Variants in UACA observed in about 807,000 individuals in gnomAD.
UACA encodes the protein nuclear membrane binding protein.
A neutral mutation model predicts 160.5 loss-of-function variants in UACA; 112 were observed. That is an observed-to-expected ratio of 0.70 (90% CI 0.60 to 0.82). The LOEUF (loss-of-function observed/expected upper bound fraction) is 0.82. UACA is among the 40% of genes least tolerant of loss of function. The probability of loss-of-function intolerance (pLI) is 0.00; values close to 1 mark genes in which losing one functional copy is unlikely to be tolerated. For synonymous variants in UACA, 557 were observed against 568.4 expected (o/e 0.98, Z 0.29); for missense variants, 1,574 against 1,614.6 (o/e 0.97, Z 0.43).
At chr15:70,718,954 CATT>C in intron 1 of UACA, among the ~76,000 whole-genome samples, 1 of 151,682 alleles carries the variant, frequency 6.6e-6, no homozygotes, top group East Asian at 1.9e-4. Flanking sequence ...CTTTAGTTGT[CATT>C]AAGTAGATTT....
intron 2 of UACA, among the ~76,000 whole-genome samples, chr15:70,697,551 A>T (rs1486816297): frequency 6.6e-6 from 1 of 152,274 alleles, no homozygotes; most frequent in Non-Finnish European, 1.5e-5. Flanking sequence ...GAGCTCAAGA[A>T]GCACATGTTC....
chr15:70,708,466 T>C (rs1898583515), intron 1 of UACA, among the ~76,000 whole-genome samples: 2 of 134,708 alleles, frequency 1.5e-5, no homozygotes, highest in South Asian at 4.3e-4. Flanking sequence ...AATACTATCT[T>C]TTTTTTTTTT....
Position 70,671,039 on chromosome 15 carries a change from C to T in UACA, c.1221G>A (p.Gln407=). The T allele has an allele frequency of 6.5e-7, 1 of 1,537,250 alleles. No individual in the cohort carries two copies. The highest frequency in any genetic ancestry group is 1.8e-4 in the Middle Eastern group (1 of 5,534). ...KQGQMYMADS[Q]CTSPGIPAHM... ...AATTAAAAAAAAAAACAGTTATTACCTGTGAGTCTGCCATATACATCTGAC... is the reference window on the plus strand; with the variant it reads ...AATTAAAAAAAAAAACAGTTATTACTTGTGAGTCTGCCATATACATCTGAC... Residue 407 remains glutamine (Q), a splice_region_variant and synonymous_variant, in exon 15 of 19, where the codon CAG becomes CAA. Coordinates refer to ENST00000322954, the MANE Select transcript of UACA (RefSeq NM_018003.4).
At chr15:70,766,825 G>A (rs924499221), upstream of UACA, among the ~76,000 whole-genome samples, 1 of 152,210 alleles carries the variant, frequency 6.6e-6, no homozygotes, top group East Asian at 1.9e-4. Flanking sequence ...ATGGGCAGAG[G>A]ATACCCAGGG....
chr15:70,678,948 T>A (rs1356655068), intron 10 of UACA, among the ~76,000 whole-genome samples: 1 of 152,122 alleles, frequency 6.6e-6, no homozygotes, highest in Non-Finnish European at 1.5e-5. Flanking sequence ...AAATGTATGG[T>A]TTACATCACA....
At chr15:70,701,969 A>T in intron 1 of UACA, 2 of 1,604,608 alleles carry the variant, frequency 1.2e-6, no homozygotes, top group Non-Finnish European at 1.7e-6. Flanking sequence ...ATTAAGTTAC[A>T]AATCTCTGTA....
intron 1 of UACA, among the ~76,000 whole-genome samples, chr15:70,708,510 G>C (rs539571500): frequency 2.0e-5 from 3 of 150,842 alleles, no homozygotes; most frequent in South Asian, 2.1e-4. Context: ...ACCCAGGCTG[G>C]ACTGCAATGG....
chr15:70,664,679 G>T lies in UACA; in HGVS notation c.4096C>A (p.Leu1366Met). 1 of 1,611,082 alleles carries T rather than the reference G, an allele frequency of 6.2e-7. No individual in the cohort carries two copies. The highest frequency in any genetic ancestry group is 8.5e-7 in the Non-Finnish European group (1 of 1,178,686). Residue 1366 changes from leucine to methionine, a missense_variant, in exon 17 of 19, where the codon CTG becomes ATG. Leu to Met is a conservative substitution (Grantham distance 15, BLOSUM62 2). Coordinates refer to ENST00000322954, the MANE Select transcript of UACA (RefSeq NM_018003.4). ...TTACTCACGGCCAGCTGTTGCTCCA[G>T]AGATTTCACTTGGTGCTGCAGAGTG... ...IDTLQHQVKS[L>M]EQQLADADRQ...
chr15:70,759,827 A>G (rs963451474), intron 1 of UACA, among the ~76,000 whole-genome samples: 3 of 152,376 alleles, frequency 2.0e-5, no homozygotes, highest in Middle Eastern at 3.4e-3. Context: ...CCCATTTAGT[A>G]AACTCTAAAT....
the UACA span, among the ~76,000 whole-genome samples, chr15:70,773,560 C>T: frequency 2.0e-5 from 3 of 152,112 alleles, no homozygotes; most frequent in Admixed American, 6.5e-5. Context: ...GGGATTTGAT[C>T]CCTCAGTTAG....
chr15:70,677,186 T>C, intron 11 of UACA, 46 bp from the exon 12 acceptor site: 4 of 1,438,928 alleles, frequency 2.8e-6, no homozygotes, highest in Non-Finnish European at 3.9e-6. Flanking sequence ...TAAAAGCCTA[T>C]TTTAAAAGGC....
At position 70,698,035 on chromosome 15, in the gene UACA, G is replaced by A. The variant is rs185980840; in HGVS notation, c.212+1492C>T. ...ATTGCACAACCAGCCTGGGCAACAA[G>A]AGCGAAACTCTGTCTCAAAAAAATA... On this transcript the variant is annotated intron_variant, in intron 2 of 18. Coordinates refer to ENST00000322954, the MANE Select transcript of UACA (RefSeq NM_018003.4). 2.1e-3 allele frequency among the ~76,000 whole-genome samples: 324 copies of A among 152,188 alleles called. 1 individual carries two copies. Among genetic ancestry groups the A allele is most frequent in the African/African-American group, 7.3e-3 (302 of 41,546 alleles).
Position 70,699,624 on chromosome 15 carries a change from TC to T in UACA, c.114del (p.Met39Ter). On this transcript the variant is annotated frameshift_variant, in exon 2 of 19. Coordinates refer to ENST00000322954, the MANE Select transcript of UACA (RefSeq NM_018003.4). LOFTEE classifies it high-confidence loss of function. ...ACATCCCCCCTTTCTGCTGCTTTCA[TC>T]AATCGGTCATCATATTTATTCCAAT... Reference protein sequence around the residue: ...AADWNKYDDRLMKAAERGDVE... With the variant: ...AADWNKYDDRXMKAAERGDVE... The T allele has an allele frequency of 1.2e-6, 2 of 1,610,794 alleles. No homozygotes were observed. The highest frequency in any genetic ancestry group is 1.7e-6 in the Non-Finnish European group (2 of 1,179,288).
chr15:70,702,266 C>A, intron 1 of UACA: 2 of 1,048,984 alleles, frequency 1.9e-6, no homozygotes, highest in African/African-American at 1.7e-5. Context: ...CACTCTGCAT[C>A]CTGCTGCCTC....
chr15:70,676,822 TA>T (rs1897317274), intron 12 of UACA, among the ~76,000 whole-genome samples: 1 of 152,228 alleles, frequency 6.6e-6, no homozygotes, highest in African/African-American at 2.4e-5. Flanking sequence ...TTTTCAATCT[TA>T]ATGTTTTCAG....
intron 1 of UACA, among the ~76,000 whole-genome samples, chr15:70,756,852 AAC>A (rs1245742463): frequency 6.6e-6 from 1 of 152,222 alleles, no homozygotes. Flanking sequence ...CAGCTGGGGC[AAC>A]AGAGTGAGAC....
intron 18 of UACA, among the ~76,000 whole-genome samples, chr15:70,659,842 G>A (rs1896639177): frequency 6.6e-6 from 1 of 152,050 alleles, no homozygotes; most frequent in Non-Finnish European, 1.5e-5. Context: ...ACACGTGGAT[G>A]TCAAGGCATT....
chr15:70,670,583 C>G (rs1345264349), intron 15 of UACA, among the ~76,000 whole-genome samples: 1 of 152,068 alleles, frequency 6.6e-6, no homozygotes, highest in Non-Finnish European at 1.5e-5. Context: ...CAGCCGAATC[C>G]TTTCCTCTGA....
Position 70,668,931 on chromosome 15 carries a change from T to C in UACA, c.1753A>G (p.Ile585Val). Residue 585 changes from isoleucine to valine, a missense_variant, in exon 16 of 19, where the codon ATA becomes GTA. Transcript: ENST00000322954. ...EEFKRDEGKL[I>V]EENKRLQKEL... ...TTCTGTAATCGCTTATTTTCTTCTA[T>C]CAGCTTGCCTTCATCCCTCTTAAAC... 6.2e-7 allele frequency: 1 copy of C among 1,613,594 alleles called. No homozygotes were observed. The highest frequency in any genetic ancestry group is 1.1e-5 in the South Asian group (1 of 90,982).
Sources: allele counts gnomAD v4.1 joint callset (sites outside exome capture counted in the v4.1 genomes callset), GRCh38; gene constraint gnomAD v4.1.1; transcripts MANE v1.5; gene names NCBI Gene and HGNC (gene_info 2026-07-23, HGNC 2026-07-21).